Variants in SZT2 observed in about 807,000 individuals in gnomAD.
SZT2 encodes the protein SZT2 subunit of KICSTOR complex.
SZT2 carries 216 observed loss-of-function variants against 404.2 expected under a neutral mutation model. That is an observed-to-expected ratio of 0.53 (90% CI 0.48 to 0.60). The LOEUF is 0.60. Ranked by LOEUF, SZT2 falls within the 20% of genes least tolerant of loss-of-function variation. SZT2 has a pLI of 0.00. For synonymous variants in SZT2, 1,693 were observed against 1,749.9 expected, an observed-to-expected ratio of 0.97 and a Z score of 0.81; for missense variants, 3,857 against 4,459.2, an observed-to-expected ratio of 0.86 and a Z score of 3.85.
At position 43,451,318 on chromosome 1, in the gene SZT2, G is replaced by T. The variant is rs1428112812; in HGVS notation, c.*838G>T. 2 of 1,613,566 alleles carry T rather than the reference G, an allele frequency of 1.2e-6. No individual in the cohort carries two copies. Among genetic ancestry groups the T allele is most frequent in the African/African-American group, 2.7e-5 (2 of 74,914 alleles). On this transcript the variant is annotated 3_prime_UTR_variant, in exon 72 of 72. Transcript: ENST00000634258. ...AAGCCCTCTACTGTGTCTCCTGCAG[G>T]GAGAGGGAGGCCTCGGCACCTCAGC...
At position 43,451,779 on chromosome 1, in the gene SZT2, A is replaced by G. The variant is rs751554131; in HGVS notation, c.*1299A>G. On this transcript the variant is annotated 3_prime_UTR_variant, in exon 72 of 72. Coordinates refer to ENST00000634258, the MANE Select transcript of SZT2 (RefSeq NM_001365999.1). Reference sequence around the variant, plus strand: ...GCCCCGCCCTCCTTCCGATCTGCGAAGTACCCCCTTCCACTTACCATTTGT... The same window carrying G: ...GCCCCGCCCTCCTTCCGATCTGCGAGGTACCCCCTTCCACTTACCATTTGT... 1.2e-6 allele frequency: 2 copies of G among 1,614,106 alleles called. No homozygotes were observed. The highest frequency in any genetic ancestry group is 1.7e-6 in the Non-Finnish European group (2 of 1,179,970).
At position 43,448,314 on chromosome 1, in the gene SZT2, C is replaced by A. The variant is rs538720577; in HGVS notation, c.9799C>A (p.Arg3267=). 1 of 1,553,352 alleles carries A rather than the reference C, an allele frequency of 6.4e-7. No individual in the cohort carries two copies. Among genetic ancestry groups the A allele is most frequent in the South Asian group, 1.2e-5 (1 of 84,616 alleles). The change falls in exon 69 of 72, where the codon CGG becomes AGG. Residue 3267 remains arginine (R), a synonymous_variant. Transcript: ENST00000634258. The surrounding 1 kb of genome is among the most constrained non-coding windows in gnomAD (Gnocchi z 4.2). ...ACGAGCACGGCTGGCTCAGCTGGTG[C>A]GGCTGGCTGGAGGGCACTGCCGTCG... ...MARARLAQLV[R]LAGGHCRRDT... is the part of the protein sequence containing the mutation.
Position 43,439,446 on chromosome 1 carries a change from C to T in SZT2, c.6877+4C>T, listed in dbSNP as rs754684190. 17 of 1,607,708 alleles carry T rather than the reference C, an allele frequency of 1.1e-5. No homozygotes were observed. Among genetic ancestry groups the T allele is most frequent in the Middle Eastern group, 1.7e-4 (1 of 6,034 alleles). The stretch of plus-strand genomic sequence containing the variant: ...GGACAGGGCACTGGGGGCAAAGGTA[C>T]GGTGCAGGGCACGGGCCTGTGGCAC... On this transcript the variant is annotated splice_donor_region_variant and intron_variant, in intron 49 of 71. Coordinates refer to ENST00000634258, the MANE Select transcript of SZT2 (RefSeq NM_001365999.1). The surrounding 1 kb of genome is among the most constrained non-coding windows in gnomAD (Gnocchi z 4.2).
In SZT2 at chr1:43,426,763, C is replaced by T; in HGVS notation, c.3263C>T (p.Ala1088Val). The T allele has an allele frequency of 1.1e-5, 18 of 1,613,710 alleles. No individual in the cohort carries two copies. The highest frequency in any genetic ancestry group is 1.5e-5 in the Non-Finnish European group (18 of 1,179,866). Residue 1088 changes from alanine to valine, a missense_variant, in exon 23 of 72, where the codon GCA (alanine) becomes GTA (valine). By Grantham distance (64) the Ala-to-Val change is moderately conservative. This residue lies in a region of SZT2 where 1,725 missense variants were observed against 1,881.0 expected (regional missense o/e 0.92). Transcript: ENST00000634258. This position sits in a 1 kb window ranked among gnomAD's most constrained non-coding sequence, Gnocchi z 4.9. ...GTTCATGGGATCCCGAAGGAGCAAG[C>T]AGTCGGCAGCACCCAGGCCACAGGA... The part of the protein sequence containing the change: ...LGVHGIPKEQ[A>V]VGSTQATGDS...
chr1:43,415,555 A>G (rs1234603026), intron 5 of SZT2, among the ~76,000 whole-genome samples: 3 of 152,202 alleles, frequency 2.0e-5, no homozygotes, highest in Non-Finnish European at 4.4e-5. Context: ...GGCCCACTAG[A>G]CTTCCCTGTC....
At chr1:43,428,182 G>C in intron 27 of SZT2, 58 bp from the exon 28 acceptor site, 1 of 1,611,960 alleles carries the variant, frequency 6.2e-7, no homozygotes, top group Non-Finnish European at 8.5e-7. Flanking sequence ...ATTACAGGGT[G>C]GGGACTGGAG....
chr1:43,428,228 C>T lies in SZT2; in HGVS notation c.3920-12C>T. 6.2e-7 allele frequency: 1 copy of T among 1,614,110 alleles called. No homozygotes were observed. The highest frequency in any genetic ancestry group is 8.5e-7 in the Non-Finnish European group (1 of 1,179,956). ...AGAGCTCAAGCCTCATGGCCCCTTCCACTTCCATCAGGGCTATTCCGCAGC... is the reference window on the plus strand; with the variant it reads ...AGAGCTCAAGCCTCATGGCCCCTTCTACTTCCATCAGGGCTATTCCGCAGC... On this transcript the variant is annotated splice_polypyrimidine_tract_variant and intron_variant, in intron 27 of 71. Coordinates refer to ENST00000634258, the MANE Select transcript of SZT2 (RefSeq NM_001365999.1).
Position 43,432,533 on chromosome 1 carries a change from C to G in SZT2, c.5459C>G (p.Pro1820Arg), listed in dbSNP as rs1458503769. The change falls in exon 38 of 72, where the codon CCC becomes CGC. Residue 1820 changes from proline to arginine, a missense_variant. By Grantham distance (103) the Pro-to-Arg change is moderately radical. Around this residue, in one of 7 missense-constraint regions of SZT2, gnomAD observed 1,725 missense variants for 1,881.0 expected, o/e 0.92. Transcript: ENST00000634258. ...ATTCCTCAGACCCTGACAGCCAGCC[C>G]CCAAGCACCTGGGTCCCCAGAGGAT... is the stretch of plus-strand genomic sequence containing the variant. ...GIEGETLTAS[P>R]QAPGSPEDSE... The G allele has an allele frequency of 6.2e-7, 1 of 1,608,136 alleles. No homozygotes were observed. Among genetic ancestry groups the G allele is most frequent in the South Asian group, 1.1e-5 (1 of 90,106 alleles).
chr1:43,438,967 G>A lies in SZT2; in HGVS notation c.6666G>A (p.Leu2222=), dbSNP rs142775911. 6.2e-7 allele frequency: 1 copy of A among 1,614,182 alleles called. No individual in the cohort carries two copies. The highest frequency in any genetic ancestry group is 8.5e-7 in the Non-Finnish European group (1 of 1,180,026). ...CTGGAAGTCTCCCCTCAGAGGTGCT[G>A]CATCTGGCCCTACCCACCTCCTGCA... The part of the protein sequence containing the change: ...QPPGSLPSEV[L]HLALPTSCRP... The change falls in exon 48 of 72, where the codon CTG becomes CTA. Residue 2222 remains leucine, a synonymous_variant. Coordinates refer to ENST00000634258, the MANE Select transcript of SZT2 (RefSeq NM_001365999.1).
intron 4 of SZT2, chr1:43,404,939 A>AT (rs537763837): frequency 1.1e-3 from 178 of 160,370 alleles, no homozygotes; most frequent in Non-Finnish European, 2.1e-3. Flanking sequence ...TAGTTTTGTG[A>AT]TTTTGAAAGA....
At position 43,432,617 on chromosome 1, in the gene SZT2, T is replaced by G. The variant is rs1424651508; in HGVS notation, c.5530+13T>G. 2 of 1,613,824 alleles carry G rather than the reference T, an allele frequency of 1.2e-6. No homozygotes were observed. Among genetic ancestry groups the G allele is most frequent in the South Asian group, 2.2e-5 (2 of 91,048 alleles). Reference sequence around the variant, plus strand: ...GTGCCACAGGGAGGTAAGAGAGGACTTGGGCAGCAGTCTGGAGGCCAGGAC... The same window carrying G: ...GTGCCACAGGGAGGTAAGAGAGGACGTGGGCAGCAGTCTGGAGGCCAGGAC... On this transcript the variant is annotated intron_variant, in intron 38 of 71. Coordinates refer to ENST00000634258, the MANE Select transcript of SZT2 (RefSeq NM_001365999.1).
chr1:43,442,134 A>G lies in SZT2; in HGVS notation c.7873+4A>G, dbSNP rs764485332. 3 of 1,218,908 alleles carry G rather than the reference A, an allele frequency of 2.5e-6. No homozygotes were observed. In the African/African-American group the frequency reaches 5.0e-5, roughly 20 times the overall value. The allele number at this position is 1,218,908 out of a possible 1,614,324, so 75.5% of individuals were successfully genotyped here. A position where few individuals can be genotyped will look rare whatever the true frequency, so the allele number is the denominator to read the frequency against. On this transcript the variant is annotated splice_donor_region_variant and intron_variant, in intron 56 of 71. Coordinates refer to ENST00000634258, the MANE Select transcript of SZT2 (RefSeq NM_001365999.1). The surrounding 1 kb of genome is among the most constrained non-coding windows in gnomAD (Gnocchi z 4.5). ...TGGAGGAGACCAACACAGCAGGGTG[A>G]GGGCATGGCCCGGGGGGGCGGGGGG...
At position 43,427,713 on chromosome 1, in the gene SZT2, C is replaced by T. The variant is rs200635457; in HGVS notation, c.3782C>T (p.Ala1261Val). 2.1e-4 allele frequency: 339 copies of T among 1,613,682 alleles called. 3 individuals carry two copies. In the South Asian group the frequency reaches 3.5e-3, roughly 17 times the overall value. ...ATGGTTGGCATGCAGCCCCCTCAGG[C>T]GCCCCGAGACCTCATCTTCCGGTGA... ...EQMVGMQPPQ[A>V]PRDLIFRTQF... is the part of the protein sequence containing the mutation. The change falls in exon 26 of 72, where the codon GCG becomes GTG. Residue 1261 changes from alanine (A) to valine (V), a missense_variant. Coordinates refer to ENST00000634258, the MANE Select transcript of SZT2 (RefSeq NM_001365999.1).
At chr1:43,390,880 A>G (rs1484611105) in intron 1 of SZT2, among the ~76,000 whole-genome samples, 1 of 152,242 alleles carries the variant, frequency 6.6e-6, no homozygotes, top group African/African-American at 2.4e-5. Context: ...AATGATAGAA[A>G]TAGTATTCAT....
In SZT2 at chr1:43,428,023, C is replaced by T; in HGVS notation, c.3824C>T (p.Pro1275Leu). ...CCTAGGACTCAGTTCCTCGACCACC[C>T]CTCCCCATCCTCAGCCTGGATGGAA... ...LIFRTQFLDH[P>L]SPSSAWMEPR... Residue 1275 changes from proline to leucine, a missense_variant, in exon 27 of 72, where the codon CCC (proline) becomes CTC (leucine). Pro to Leu is a moderately conservative substitution (Grantham distance 98, BLOSUM62 -3). This residue lies in a region of SZT2 where 1,725 missense variants were observed against 1,881.0 expected (regional missense o/e 0.92). Transcript: ENST00000634258. 6.2e-7 allele frequency: 1 copy of T among 1,614,146 alleles called. No homozygotes were observed. The highest frequency in any genetic ancestry group is 8.5e-7 in the Non-Finnish European group (1 of 1,179,986).
chr1:43,427,155 A>T lies in SZT2; in HGVS notation c.3409A>T (p.Thr1137Ser). The T allele has an allele frequency of 6.2e-7, 1 of 1,614,024 alleles. No individual in the cohort carries two copies. Among genetic ancestry groups the T allele is most frequent in the Non-Finnish European group, 8.5e-7 (1 of 1,179,988 alleles). ...RLVNPQHVFL[T>S]FLPATFSDVQ... ...TGTGAACCCCCAGCATGTGTTTCTG[A>T]CTTTTCTCCCAGCTACCTTCTCAGG... The change falls in exon 24 of 72, where the codon ACT becomes TCT. Residue 1137 changes from threonine (T) to serine (S), a missense_variant. Physicochemically the swap from Thr to Ser is moderately conservative, Grantham distance 58. Coordinates refer to ENST00000634258, the MANE Select transcript of SZT2 (RefSeq NM_001365999.1).
Position 43,430,649 on chromosome 1 carries a change from G to C in SZT2, c.4634G>C (p.Ser1545Thr), listed in dbSNP as rs1374129157. 33 of 1,614,160 alleles carry C rather than the reference G, an allele frequency of 2.0e-5. No homozygotes were observed. Among genetic ancestry groups the C allele is most frequent in the Non-Finnish European group, 2.6e-5 (31 of 1,180,026 alleles). ...DTVNPDEDSF[S>T]ILGGDSPTGP... ...GTGAATCCTGATGAAGACTCCTTCA[G>C]TATCTTGGGGGGCGACTCACCCACT... The change falls in exon 32 of 72, where the codon AGT becomes ACT. Residue 1545 changes from serine (S) to threonine (T), a missense_variant. By Grantham distance (58) the Ser-to-Thr change is moderately conservative. Coordinates refer to ENST00000634258, the MANE Select transcript of SZT2 (RefSeq NM_001365999.1).
chr1:43,431,318 C>CTT lies in SZT2; in HGVS notation c.4972_4973dup (p.Leu1658PhefsTer2). The CTT allele has an allele frequency of 6.2e-7, 1 of 1,613,678 alleles. No individual in the cohort carries two copies. The highest frequency in any genetic ancestry group is 8.5e-7 in the Non-Finnish European group (1 of 1,179,754). On this transcript the variant is annotated frameshift_variant, in exon 34 of 72. Coordinates refer to ENST00000634258, the MANE Select transcript of SZT2 (RefSeq NM_001365999.1). LOFTEE classifies it high-confidence loss of function. ...CCACGATCCCCAGGGCAGCCATCAT[C>CTT]TTTAAGGTCAGATGATGGCCTCGGG...
chr1:43,390,366 G>C (rs1648142022), intron 1 of SZT2, among the ~76,000 whole-genome samples: 1 of 152,210 alleles, frequency 6.6e-6, no homozygotes, highest in South Asian at 2.1e-4. Flanking sequence ...TTTAGGCATT[G>C]GAATACCATA....
Sources: allele counts gnomAD v4.1 joint callset (sites outside exome capture counted in the v4.1 genomes callset), GRCh38; gene constraint gnomAD v4.1.1; regional missense constraint gnomAD v4.1.1; non-coding constraint Gnocchi (gnomAD v3.1); transcripts MANE v1.5; gene names NCBI Gene and HGNC (gene_info 2026-07-23, HGNC 2026-07-21).